ZBTB20: variants seen among roughly 807,000 people sequenced by gnomAD.
ZBTB20 encodes zinc finger and BTB domain containing 20.
In ZBTB20, 9 loss-of-function variants were observed where a neutral mutation model predicts 56.9. That is an observed-to-expected ratio of 0.16 (90% CI 0.10 to 0.28). ZBTB20 has a LOEUF of 0.28. Among genes scored for constraint, ZBTB20 ranks in the 10% least tolerant of loss-of-function variants. ZBTB20 has a pLI of 1.00. For missense variants in ZBTB20, 655 were observed against 1,003.0 expected, an observed-to-expected ratio of 0.65 and a Z score of 4.69; for synonymous variants, 417 against 420.7, an observed-to-expected ratio of 0.99 and a Z score of 0.11.
At chr3:114,375,664 ACTTAGCAGATTT>A (rs1253695125) in intron 10 of ZBTB20, 1 of 152,220 alleles carries the variant, frequency 6.6e-6, no homozygotes, top group East Asian at 1.9e-4. Flanking sequence ...GTCTACACCC[ACTTAGCAGATTT>A]CTGGCTCGTT....
At chr3:114,784,207 A>G (rs2070326409) in intron 5 of ZBTB20, among the ~76,000 whole-genome samples, 1 of 152,180 alleles carries the variant, frequency 6.6e-6, no homozygotes, top group Non-Finnish European at 1.5e-5. Context: ...ATAGTTAACT[A>G]GAGTTGCCAC....
rs545075938 is a variant in ZBTB20 at position 114,833,257 on chromosome 3, G to C, written c.-416-32083C>G. Among the ~76,000 whole-genome samples the C allele has an allele frequency of 4.6e-5, 7 of 152,100 alleles. No homozygotes were observed. The South Asian group carries it at 1.5e-3, about 32-fold the overall frequency. On this transcript the variant is annotated intron_variant, in intron 4 of 11. Transcript: ENST00000675478. ...AACATTGCTATACCAGCGTTGTTTTGGTAAATGTTTGCATTATAACTCTGG... is the reference window on the plus strand; with the variant it reads ...AACATTGCTATACCAGCGTTGTTTTCGTAAATGTTTGCATTATAACTCTGG...
chr3:114,787,063 C>G (rs111333784), intron 5 of ZBTB20, among the ~76,000 whole-genome samples: 1 of 151,956 alleles, frequency 6.6e-6, no homozygotes, highest in African/African-American at 2.4e-5. Context: ...CAGTCTCAAC[C>G]TCCCTGGCTG....
intron 6 of ZBTB20, among the ~76,000 whole-genome samples, chr3:114,505,626 G>A (rs2718429): frequency 0.15 from 22,808 of 151,968 alleles, 1,775 homozygotes; most frequent in Middle Eastern, 0.3. Flanking sequence ...GTTTTCTATC[G>A]GTAGAGATAA....
chr3:114,802,553 G>T (rs969339580), intron 4 of ZBTB20, among the ~76,000 whole-genome samples: 4 of 151,816 alleles, frequency 2.6e-5, no homozygotes, highest in Admixed American at 6.6e-5. Context: ...GGCTAAAAAT[G>T]AACCAGCGTA....
At chr3:115,088,819 A>C (rs2083084152) in intron 1 of ZBTB20, among the ~76,000 whole-genome samples, 1 of 151,794 alleles carries the variant, frequency 6.6e-6, no homozygotes, top group South Asian at 2.1e-4. Flanking sequence ...ATGCAAACCA[A>C]ATATTTTAAG....
At chr3:114,948,212 T>C (rs574316430) in intron 3 of ZBTB20, among the ~76,000 whole-genome samples, 2 of 144,828 alleles carry the variant, frequency 1.4e-5, no homozygotes, top group East Asian at 3.9e-4. Flanking sequence ...GAAATGTATG[T>C]GAATATTCCT....
rs1298035022 is a variant in ZBTB20 at position 114,477,989 on chromosome 3, C to CT, written c.-255+22362dup. On this transcript the variant is annotated intron_variant, in intron 7 of 11. Transcript: ENST00000675478. ...TCTCTCTCTCTCTCTCTCTTTCTTT[C>CT]TTTTTTTTGAGGCAGAGTTTCATTC... Among the ~76,000 whole-genome samples, 7 of 81,360 alleles carry CT rather than the reference C, an allele frequency of 8.6e-5. No individual in the cohort carries two copies. In the South Asian group the frequency reaches 2.1e-3, roughly 25 times the overall value. 53.4% of individuals were successfully genotyped at this position (81,360 alleles called of 152,430 possible).
intron 10 of ZBTB20, among the ~76,000 whole-genome samples, chr3:114,353,830 C>T (rs556146177): frequency 6.6e-6 from 1 of 152,270 alleles, no homozygotes; most frequent in South Asian, 2.1e-4. Flanking sequence ...ATATTATTCC[C>T]ATTTTACAGA....
Position 114,455,060 on chromosome 3 carries a change from GGA to G in ZBTB20, c.-255+45290_-255+45291del, listed in dbSNP as rs541643450. Among the ~76,000 whole-genome samples the G allele has an allele frequency of 1.0e-3, 140 of 137,554 alleles. 1 individual carries two copies. Among genetic ancestry groups the G allele is most frequent in the African/African-American group, 2.5e-3 (95 of 37,528 alleles). The allele number at this position is 137,554 out of a possible 152,430, so 90.2% of individuals were successfully genotyped here. On this transcript the variant is annotated intron_variant, in intron 7 of 11. Coordinates refer to ENST00000675478, the MANE Select transcript of ZBTB20 (RefSeq NM_001348800.3). ...GAGAGGGGGAAGAGAGAGAGGGGGGGGAGAGAGAGAGAGAGAGGGAGAGAGAG... is the reference window on the plus strand; with the variant it reads ...GAGAGGGGGAAGAGAGAGAGGGGGGGGAGAGAGAGAGAGAGGGAGAGAGAG...
At chr3:114,879,239 C>G (rs771760421) in intron 4 of ZBTB20, among the ~76,000 whole-genome samples, 1 of 152,166 alleles carries the variant, frequency 6.6e-6, no homozygotes, top group Non-Finnish European at 1.5e-5. Context: ...TGCACAATCT[C>G]AACTAGCGAT....
At chr3:115,098,318 C>T (rs994291874) in intron 1 of ZBTB20, among the ~76,000 whole-genome samples, 10 of 152,140 alleles carry the variant, frequency 6.6e-5, no homozygotes, top group African/African-American at 2.4e-4. Flanking sequence ...TTTAGATGGT[C>T]CTCACAAGGC....
At chr3:115,099,473 G>GTTT in intron 1 of ZBTB20, among the ~76,000 whole-genome samples, 1 of 152,154 alleles carries the variant, frequency 6.6e-6, no homozygotes, top group Non-Finnish European at 1.5e-5. Context: ...ATAAAAGTTA[G>GTTT]AAAACAGAAT....
intron 2 of ZBTB20, among the ~76,000 whole-genome samples, chr3:115,030,513 C>G (rs189594375): frequency 6.6e-6 from 1 of 151,286 alleles, no homozygotes; most frequent in African/African-American, 2.4e-5. Context: ...AATTAGTACA[C>G]ATTCGAAAAT....
intron 6 of ZBTB20, among the ~76,000 whole-genome samples, chr3:114,601,762 A>C (rs1380985076): frequency 1.3e-5 from 2 of 152,012 alleles, no homozygotes; most frequent in Non-Finnish European, 2.9e-5. Context: ...AATCATTTCG[A>C]GCAGAATAAA....
intron 4 of ZBTB20, among the ~76,000 whole-genome samples, chr3:114,883,052 A>G (rs1197678489): frequency 1.3e-5 from 2 of 152,214 alleles, no homozygotes; most frequent in African/African-American, 2.4e-5. Context: ...TAAAATAATA[A>G]TTAAATTAGC....
In ZBTB20 at chr3:114,333,569, C is replaced by T. The variant is rs2079343004; in HGVS notation, c.*5436G>A. ...GCTCAGGAGGCATTGGGTTGCTTTGCTTTTTCTATGGAATTAGGGAGCCTA... is the reference window on the plus strand; with the variant it reads ...GCTCAGGAGGCATTGGGTTGCTTTGTTTTTTCTATGGAATTAGGGAGCCTA... On this transcript the variant is annotated 3_prime_UTR_variant, in exon 12 of 12. Coordinates refer to ENST00000675478, the MANE Select transcript of ZBTB20 (RefSeq NM_001348800.3). The T allele has an allele frequency of 6.6e-6, 1 of 152,206 alleles. No individual in the cohort carries two copies. 9.4% of individuals were successfully genotyped at this position (152,206 alleles called of 1,614,324 possible). A position where few individuals can be genotyped will look rare whatever the true frequency, so the allele number is the denominator to read the frequency against.
At chr3:115,097,533 C>A (rs1243308043) in intron 1 of ZBTB20, among the ~76,000 whole-genome samples, 1 of 152,070 alleles carries the variant, frequency 6.6e-6, no homozygotes, top group Non-Finnish European at 1.5e-5. Context: ...CGTTAAAAAG[C>A]ACACACACGT....
At chr3:114,875,254 CAATAAT>C (rs2076151525) in intron 4 of ZBTB20, among the ~76,000 whole-genome samples, 1 of 152,062 alleles carries the variant, frequency 6.6e-6, no homozygotes, top group Non-Finnish European at 1.5e-5. Context: ...ATAATAATAA[CAATAAT>C]AAGCACTAAG....
Sources: gnomAD v4.1 joint callset for allele counts (sites outside exome capture counted in the v4.1 genomes callset) on GRCh38, gnomAD v4.1.1 for gene constraint, MANE v1.5 for transcripts, NCBI Gene and HGNC (gene_info 2026-07-23, HGNC 2026-07-21) for gene names.